PPP2R5E: variants seen among roughly 807,000 people sequenced by gnomAD.
PPP2R5E encodes the protein protein phosphatase 2 regulatory subunit B'epsilon.
Under a neutral mutation model 65.3 loss-of-function variants are expected in PPP2R5E, and 4 were observed. The observed-to-expected ratio is 0.06, with a 90% CI of 0.03 to 0.14. PPP2R5E has a LOEUF of 0.14. PPP2R5E is among the 10% of genes least tolerant of loss of function. The pLI, the probability that PPP2R5E is intolerant of heterozygous loss-of-function variation, is 1.00. For missense variants in PPP2R5E, 274 were observed against 556.1 expected, an observed-to-expected ratio of 0.49 and a Z score of 5.10; for synonymous variants, 183 against 187.4, an observed-to-expected ratio of 0.98 and a Z score of 0.19.
chr14:63,446,065 T>C (rs1407839896), intron 3 of PPP2R5E, among the ~76,000 whole-genome samples: 3 of 152,240 alleles, frequency 2.0e-5, no homozygotes, highest in Non-Finnish European at 4.4e-5. Flanking sequence ...CACAACATTT[T>C]CAGGAGTTGA....
intron 3 of PPP2R5E, among the ~76,000 whole-genome samples, chr14:63,447,378 T>C (rs558902929): frequency 6.6e-6 from 1 of 152,370 alleles, no homozygotes; most frequent in South Asian, 2.1e-4. Context: ...CCTTGCACTT[T>C]TATGTTAGAG....
chr14:63,453,508 G>A (rs938128871), intron 3 of PPP2R5E, 181 bp downstream of exon 3: 29 of 476,530 alleles, frequency 6.1e-5, no homozygotes, highest in Non-Finnish European at 7.9e-5. Context: ...TCTGGATTTC[G>A]TTCTCATGAA....
intron 2 of PPP2R5E, among the ~76,000 whole-genome samples, chr14:63,519,275 G>A (rs928224962): frequency 6.6e-6 from 1 of 152,186 alleles, no homozygotes; most frequent in Non-Finnish European, 1.5e-5. Context: ...TGACTGGGTA[G>A]GGGATCTAGA....
At position 63,412,838 on chromosome 14, in the gene PPP2R5E, TG is replaced by T. The variant is rs1408163035; in HGVS notation, c.549+2301del. Among the ~76,000 whole-genome samples the T allele has an allele frequency of 2.0e-5, 3 of 152,294 alleles. No homozygotes were observed. The East Asian group carries it at 5.8e-4, about 29-fold the overall frequency. On this transcript the variant is annotated intron_variant, in intron 5 of 13. Coordinates refer to ENST00000337537, the MANE Select transcript of PPP2R5E (RefSeq NM_006246.5). ...CCCTGGCTTTCAGACTTACTATGTA[TG>T]AGGCTATGAGCATTTGAATTGCAAC...
At chr14:63,519,086 T>C (rs2139717964) in intron 2 of PPP2R5E, among the ~76,000 whole-genome samples, 1 of 152,172 alleles carries the variant, frequency 6.6e-6, no homozygotes, top group Non-Finnish European at 1.5e-5. Flanking sequence ...TGGTGGCACA[T>C]GCCTGTAGTC....
chr14:63,426,026 C>T (rs1376369953), intron 3 of PPP2R5E, among the ~76,000 whole-genome samples: 2 of 152,204 alleles, frequency 1.3e-5, no homozygotes, highest in Admixed American at 1.3e-4. Context: ...TACTTCTCAA[C>T]ATTCACCAAA....
chr14:63,523,084 T>G (rs1161584863), intron 2 of PPP2R5E, among the ~76,000 whole-genome samples: 2 of 132,056 alleles, frequency 1.5e-5, no homozygotes, highest in African/African-American at 6.1e-5. Context: ...GGGAGGGAGG[T>G]GGGGGGGTCA....
chr14:63,494,791 G>C (rs1254165854), intron 2 of PPP2R5E, among the ~76,000 whole-genome samples: 1 of 152,034 alleles, frequency 6.6e-6, no homozygotes, highest in East Asian at 1.9e-4. Flanking sequence ...TAGCTACTTG[G>C]GAGGCTGAGA....
At chr14:63,440,948 C>CAAAAA (rs374563795) in intron 3 of PPP2R5E, among the ~76,000 whole-genome samples, 2,258 of 67,478 alleles carry the variant, frequency 0.033, 188 homozygotes, top group East Asian at 0.11. Context: ...GACTCCATCT[C>CAAAAA]AAAAAAAAAA....
intron 3 of PPP2R5E, chr14:63,452,857 T>G (rs1888920167): frequency 6.6e-6 from 1 of 151,952 alleles, no homozygotes; most frequent in African/African-American, 2.4e-5. Context: ...ACACAGAGAG[T>G]GTGCCAGATC....
chr14:63,472,094 G>A (rs1890162847), intron 2 of PPP2R5E, among the ~76,000 whole-genome samples: 1 of 152,198 alleles, frequency 6.6e-6, no homozygotes, highest in Non-Finnish European at 1.5e-5. Flanking sequence ...TGAGTCAGAT[G>A]TTCAAGGCCA....
chr14:63,508,194 C>T (rs924275096), intron 2 of PPP2R5E: 1 of 985,574 alleles, frequency 1.0e-6, no homozygotes, highest in Admixed American at 6.1e-5. Context: ...TCCCTCCTCG[C>T]ACACCTCACA....
At chr14:63,528,155 C>T (rs191128701) in intron 2 of PPP2R5E, among the ~76,000 whole-genome samples, 5 of 152,234 alleles carry the variant, frequency 3.3e-5, no homozygotes, top group Admixed American at 1.3e-4. Context: ...AAAAGAACTA[C>T]TTTAGCCTAT....
At chr14:63,385,766 T>TAA (rs10646129) in intron 11 of PPP2R5E, among the ~76,000 whole-genome samples, 26,345 of 151,944 alleles carry the variant, frequency 0.17, 3,388 homozygotes, top group East Asian at 0.49. Context: ...ACACTGACAA[T>TAA]ATGGTAAAGA....
intron 2 of PPP2R5E, among the ~76,000 whole-genome samples, chr14:63,524,348 G>A (rs1893093547): frequency 6.6e-6 from 1 of 152,182 alleles, no homozygotes; most frequent in African/African-American, 2.4e-5. Flanking sequence ...GGCAAACAGA[G>A]AGATGAGGGA....
At chr14:63,408,976 A>C (rs1212602007) in intron 5 of PPP2R5E, among the ~76,000 whole-genome samples, 1 of 152,194 alleles carries the variant, frequency 6.6e-6, no homozygotes, top group Non-Finnish European at 1.5e-5. Flanking sequence ...TCATGCCTGT[A>C]ATTCCAGCAC....
intron 2 of PPP2R5E, among the ~76,000 whole-genome samples, chr14:63,493,478 G>A (rs1594937875): frequency 7.4e-6 from 1 of 134,540 alleles, no homozygotes; most frequent in African/African-American, 3.1e-5. Flanking sequence ...AAATTACCGC[G>A]CGCGCGTGTG....
rs1360479308 is a variant in PPP2R5E, at chr14:63,375,033, A to C, written c.*976T>G. The C allele has an allele frequency of 2.0e-5, 3 of 152,590 alleles. No homozygotes were observed. The highest frequency in any genetic ancestry group is 7.2e-5 in the African/African-American group (3 of 41,442). The allele number at this position is 152,590 out of a possible 1,614,324, so 9.5% of individuals were successfully genotyped here. The stretch of plus-strand genomic sequence containing the variant: ...CTTTATAAATACATATTAAAAAGTA[A>C]GGCAACAACTCCAAACAGTCCAAGC... On this transcript the variant is annotated 3_prime_UTR_variant, in exon 14 of 14. Transcript: ENST00000337537.
At chr14:63,471,760 C>A (rs1890144420) in intron 2 of PPP2R5E, among the ~76,000 whole-genome samples, 1 of 152,190 alleles carries the variant, frequency 6.6e-6, no homozygotes, top group South Asian at 2.1e-4. Flanking sequence ...ACTATCCCAC[C>A]TCTGCTAAAG....
Sources: allele counts gnomAD v4.1 joint callset (sites outside exome capture counted in the v4.1 genomes callset), GRCh38; gene constraint gnomAD v4.1.1; transcripts MANE v1.5; gene names NCBI Gene and HGNC (gene_info 2026-07-23, HGNC 2026-07-21).